PRIMPOL: variants seen among roughly 807,000 people sequenced by gnomAD.
PRIMPOL encodes the protein DNA-directed primase/polymerase protein.
A neutral mutation model predicts 63.6 loss-of-function variants in PRIMPOL; 54 were observed. The observed-to-expected ratio is 0.85, with a 90% CI of 0.68 to 1.07. PRIMPOL has a LOEUF of 1.07. Among genes scored for constraint, PRIMPOL ranks in the 50% least tolerant of loss-of-function variants. The pLI, the probability that PRIMPOL is intolerant of heterozygous loss-of-function variation, is 0.00. For synonymous variants in PRIMPOL, 197 were observed against 220.2 expected, an observed-to-expected ratio of 0.89 and a Z score of 0.93; for missense variants, 610 against 648.3, an observed-to-expected ratio of 0.94 and a Z score of 0.64.
rs1561119584 is a variant in PRIMPOL at position 184,694,725 on chromosome 4, C to T, written c.1629C>T (p.Asn543=). Residue 543 remains asparagine, a synonymous_variant, in exon 14 of 14, where the codon AAC becomes AAT. Coordinates refer to ENST00000314970, the MANE Select transcript of PRIMPOL (RefSeq NM_152683.4). ...CAGAGAACAGTCTTCTCAGTTATAA[C>T]AGTGAAGTGGATGAAATTCCTGATG... ...EAAENSLLSY[N]SEVDEIPDEL... 6.2e-7 allele frequency: 1 copy of T among 1,612,474 alleles called. No individual in the cohort carries two copies.
intron 3 of PRIMPOL, chr4:184,657,535 A>G: frequency 2.2e-6 from 1 of 451,324 alleles, no homozygotes; most frequent in Non-Finnish European, 3.9e-6. Flanking sequence ...AATTTATATT[A>G]GTAATGAAAA....
At chr4:184,689,084 G>T (rs1225356841) in intron 11 of PRIMPOL, among the ~76,000 whole-genome samples, 1 of 151,634 alleles carries the variant, frequency 6.6e-6, no homozygotes, top group Non-Finnish European at 1.5e-5. Context: ...TCGCCCTGTC[G>T]CCCAGGCTTG....
chr4:184,651,970 CAGT>C (rs1459996875), intron 1 of PRIMPOL, 50 bp from the exon 2 acceptor site: 1 of 152,458 alleles, frequency 6.6e-6, no homozygotes, highest in East Asian at 1.9e-4. Context: ...TATAGCCAAA[CAGT>C]AGGCTGGAGG....
rs200686672 is a variant in PRIMPOL, at chr4:184,682,294, A to G, written c.1054A>G (p.Lys352Glu). ...RILTCEPSQNKQKGVGYFNSI... is the reference protein window; with the variant it reads ...RILTCEPSQNEQKGVGYFNSI... ...TCTTACATGTGAGCCATCTCAGAAT[A>G]AACAAAAAGGAGTTGGATATTTTAA... The change falls in exon 9 of 14, where the codon AAA (lysine) becomes GAA (glutamate). Residue 352 changes from lysine to glutamate, a missense_variant. Physicochemically the swap from Lys to Glu is moderately conservative, Grantham distance 56. This residue lies in a region of PRIMPOL where 444 missense variants were observed against 456.4 expected (regional missense o/e 0.97). Transcript: ENST00000314970. 2.5e-6 allele frequency: 4 copies of G among 1,605,334 alleles called. No individual in the cohort carries two copies. In the East Asian group the frequency reaches 8.9e-5, roughly 36 times the overall value.
chr4:184,671,531 T>C (rs1751627151), intron 6 of PRIMPOL, among the ~76,000 whole-genome samples: 1 of 152,104 alleles, frequency 6.6e-6, no homozygotes, highest in East Asian at 1.9e-4. Flanking sequence ...CCTCCCAGTA[T>C]GTATTAATAA....
At chr4:184,684,962 A>G (rs904857114) in intron 9 of PRIMPOL, among the ~76,000 whole-genome samples, 1 of 152,100 alleles carries the variant, frequency 6.6e-6, no homozygotes, top group Non-Finnish European at 1.5e-5. Context: ...GGACATGATT[A>G]CAGAGTGGTT....
chr4:184,655,816 C>T (rs1448262395), intron 2 of PRIMPOL, among the ~76,000 whole-genome samples: 1 of 152,122 alleles, frequency 6.6e-6, no homozygotes, highest in Non-Finnish European at 1.5e-5. Flanking sequence ...TTCAAAAAAG[C>T]CCCAATATAT....
Position 184,691,722 on chromosome 4 carries a change from G to A in PRIMPOL, c.1425+10G>A, listed in dbSNP as rs1308627264. 2 of 1,604,100 alleles carry A rather than the reference G, an allele frequency of 1.2e-6. No homozygotes were observed. Among genetic ancestry groups the A allele is most frequent in the East Asian group, 2.2e-5 (1 of 44,742 alleles). Reference sequence around the variant, plus strand: ...GTTTCTTTTCAAAGAGGTAAGTACAGATTTTAGTGTCTTTCTCCTTACCAG... The same window carrying A: ...GTTTCTTTTCAAAGAGGTAAGTACAAATTTTAGTGTCTTTCTCCTTACCAG... On this transcript the variant is annotated intron_variant, in intron 13 of 13. Transcript: ENST00000314970.
intron 11 of PRIMPOL, among the ~76,000 whole-genome samples, chr4:184,686,950 C>T (rs560053865): frequency 3.3e-5 from 5 of 152,140 alleles, no homozygotes; most frequent in Admixed American, 1.3e-4. Context: ...TTTTTCTATG[C>T]GTATTAACTT....
chr4:184,679,851 G>T (rs1457184140), intron 8 of PRIMPOL, among the ~76,000 whole-genome samples: 1 of 152,184 alleles, frequency 6.6e-6, no homozygotes, highest in Non-Finnish European at 1.5e-5. Context: ...ATGATCTGAG[G>T]TGGAACAGTT....
intron 8 of PRIMPOL, among the ~76,000 whole-genome samples, chr4:184,679,004 G>A (rs913916797): frequency 1.3e-5 from 2 of 151,862 alleles, no homozygotes; most frequent in Admixed American, 6.6e-5. Context: ...AATACTACTG[G>A]TATTGCATTT....
chr4:184,658,325 C>T (rs544912489), intron 3 of PRIMPOL, among the ~76,000 whole-genome samples: 1 of 152,248 alleles, frequency 6.6e-6, no homozygotes, highest in South Asian at 2.1e-4. Context: ...AATTAAAATA[C>T]TGACAGATTC....
chr4:184,652,759 G>A (rs1744921280), intron 2 of PRIMPOL, among the ~76,000 whole-genome samples: 1 of 152,020 alleles, frequency 6.6e-6, no homozygotes, highest in African/African-American at 2.4e-5. Flanking sequence ...TAGAGTATTG[G>A]CAGAAAATGC....
At position 184,694,911 on chromosome 4, in the gene PRIMPOL, C is replaced by A; in HGVS notation, c.*132C>A. ...TTTGCTTTCCAATTTTTGTTTTTTA[C>A]TTCTGTAAACCAATTTCATTAAAAA... On this transcript the variant is annotated 3_prime_UTR_variant, in exon 14 of 14. Transcript: ENST00000314970. 3 of 720,436 alleles carry A rather than the reference C, an allele frequency of 4.2e-6. No individual in the cohort carries two copies. The highest frequency in any genetic ancestry group is 6.6e-6 in the Non-Finnish European group (3 of 453,686). The allele number at this position is 720,436 out of a possible 1,614,324, so 44.6% of individuals were successfully genotyped here.
At chr4:184,672,750 A>G (rs1208895769) in intron 7 of PRIMPOL, among the ~76,000 whole-genome samples, 1 of 152,198 alleles carries the variant, frequency 6.6e-6, no homozygotes, top group East Asian at 1.9e-4. Flanking sequence ...CAGTTGGACC[A>G]GCTTCCTCCA....
At chr4:184,682,163 T>C (rs1332133857) in intron 8 of PRIMPOL, 85 bp from the exon 9 acceptor site, 2 of 650,562 alleles carry the variant, frequency 3.1e-6, no homozygotes, top group Non-Finnish European at 2.7e-6. Context: ...GAGGAACTAT[T>C]AGGAATTCAG....
chr4:184,650,266 A>G (rs78562758), intron 1 of PRIMPOL, among the ~76,000 whole-genome samples: 1 of 152,254 alleles, frequency 6.6e-6, no homozygotes, highest in African/African-American at 2.4e-5. Flanking sequence ...CATCATGAGG[A>G]AAAAGAGATG....
intron 3 of PRIMPOL, among the ~76,000 whole-genome samples, chr4:184,658,762 A>T (rs917619133): frequency 6.6e-6 from 1 of 151,910 alleles, no homozygotes; most frequent in African/African-American, 2.4e-5. Context: ...CAAAAAATTA[A>T]TCGGGCGTGG....
intron 5 of PRIMPOL, 58 bp from the exon 6 acceptor site, chr4:184,665,859 T>C (rs901964205): frequency 5.1e-6 from 6 of 1,187,094 alleles, no homozygotes; most frequent in Non-Finnish European, 5.9e-6. Flanking sequence ...GCTTATTGCT[T>C]ATAGAAAAAT....
Sources: allele counts gnomAD v4.1 joint callset (sites outside exome capture counted in the v4.1 genomes callset), GRCh38; gene constraint gnomAD v4.1.1; regional missense constraint gnomAD v4.1.1; transcripts MANE v1.5; gene names NCBI Gene and HGNC (gene_info 2026-07-23, HGNC 2026-07-21).